The following ERBB4 variants were observed in gnomAD, a reference collection of about 807,000 sequenced individuals.
The protein encoded by ERBB4 is receptor tyrosine-protein kinase erbB-4.
Under a neutral mutation model 158.0 loss-of-function variants are expected in ERBB4, and 42 were observed. The ratio of observed to expected loss-of-function variants is 0.27; its 90% confidence interval spans 0.21 to 0.34. ERBB4 has a LOEUF of 0.34. ERBB4 is among the 10% of genes least tolerant of loss of function. The pLI is 1.00. For synonymous variants in ERBB4, 583 were observed against 558.7 expected, an observed-to-expected ratio of 1.04 and a Z score of -0.61; for missense variants, 1,333 against 1,624.1, an observed-to-expected ratio of 0.82 and a Z score of 3.08.
At chr2:212,366,666 T>A (rs766443727) in intron 1 of ERBB4, among the ~76,000 whole-genome samples, 3 of 151,978 alleles carry the variant, frequency 2.0e-5, no homozygotes, top group Non-Finnish European at 4.4e-5. Flanking sequence ...AAACATAAGA[T>A]ACATAACTTA....
At chr2:212,162,043 A>T (rs1459073594) in intron 1 of ERBB4, among the ~76,000 whole-genome samples, 4 of 151,850 alleles carry the variant, frequency 2.6e-5, no homozygotes, top group African/African-American at 9.7e-5. Flanking sequence ...TTTCACATAA[A>T]CCCAAATACT....
At chr2:212,003,063 A>AAGAGAGAGAG (rs148188443) in intron 2 of ERBB4, among the ~76,000 whole-genome samples, 1 of 113,922 alleles carries the variant, frequency 8.8e-6, no homozygotes, top group African/African-American at 2.9e-5. Context: ...CAAAAGAGAA[A>AAGAGAGAGAG]AGAGAGAGAG....
intron 2 of ERBB4, among the ~76,000 whole-genome samples, chr2:212,111,825 T>G (rs1215257345): frequency 3.9e-5 from 6 of 152,098 alleles, no homozygotes; most frequent in South Asian, 4.2e-4. Flanking sequence ...AAGGCGCTCT[T>G]GAGTTCAATC....
intron 1 of ERBB4, among the ~76,000 whole-genome samples, chr2:212,528,123 C>G (rs1692551947): frequency 6.6e-6 from 1 of 152,018 alleles, no homozygotes; most frequent in Non-Finnish European, 1.5e-5. Flanking sequence ...AACTCCTTAA[C>G]TGATAGATTT....
At chr2:211,900,317 T>C (rs371823951) in intron 3 of ERBB4, among the ~76,000 whole-genome samples, 5 of 151,890 alleles carry the variant, frequency 3.3e-5, no homozygotes, top group African/African-American at 7.3e-5. Context: ...ATAGCACAGA[T>C]TGAACATTTA....
At chr2:211,978,162 AAG>A (rs1249428788) in intron 2 of ERBB4, among the ~76,000 whole-genome samples, 1 of 151,870 alleles carries the variant, frequency 6.6e-6, no homozygotes, top group Non-Finnish European at 1.5e-5. Flanking sequence ...CTCACTATGA[AAG>A]AGACTGCAGA....
intron 20 of ERBB4, among the ~76,000 whole-genome samples, chr2:211,493,419 T>TA (rs1449973665): frequency 2.6e-5 from 4 of 152,076 alleles, no homozygotes; most frequent in Non-Finnish European, 2.9e-5. Context: ...CTGGCCTGGA[T>TA]AAATGTACTA....
At chr2:211,693,248 T>A (rs1189279033) in intron 12 of ERBB4, among the ~76,000 whole-genome samples, 2 of 152,072 alleles carry the variant, frequency 1.3e-5, no homozygotes, top group Admixed American at 1.3e-4. Flanking sequence ...ATAAAATGAA[T>A]CCAAAAGTAT....
At chr2:212,133,421 TTG>T (rs1488431826) in intron 1 of ERBB4, among the ~76,000 whole-genome samples, 35 of 143,716 alleles carry the variant, frequency 2.4e-4, no homozygotes, top group African/African-American at 9.4e-4. Context: ...TGTTTTGTTT[TTG>T]TTTTTTTTTT....
At chr2:212,518,035 G>A (rs79253279) in intron 1 of ERBB4, among the ~76,000 whole-genome samples, 3,316 of 152,102 alleles carry the variant, frequency 0.022, 95 homozygotes, top group South Asian at 0.079. Context: ...ACTCCAAAGT[G>A]TTATTAATAT....
chr2:211,473,490 G>A (rs545466813), intron 20 of ERBB4, among the ~76,000 whole-genome samples: 3 of 152,178 alleles, frequency 2.0e-5, no homozygotes, highest in African/African-American at 7.2e-5. Flanking sequence ...ATTTCTTAGT[G>A]CTCCTGTAAA....
intron 3 of ERBB4, among the ~76,000 whole-genome samples, chr2:211,897,945 A>G (rs1251206157): frequency 6.6e-6 from 1 of 151,830 alleles, no homozygotes. Context: ...TTTTTTAATT[A>G]TAGAGAAGGG....
chr2:211,540,640 T>C (rs1259955066), intron 20 of ERBB4, among the ~76,000 whole-genome samples: 1 of 151,908 alleles, frequency 6.6e-6, no homozygotes, highest in Non-Finnish European at 1.5e-5. Flanking sequence ...CTCAGCTCAC[T>C]GCAACCTTTG....
At chr2:211,910,077 G>A (rs1478075081) in intron 3 of ERBB4, among the ~76,000 whole-genome samples, 2 of 151,136 alleles carry the variant, frequency 1.3e-5, no homozygotes, top group African/African-American at 2.4e-5. Flanking sequence ...GCACCACCAT[G>A]GCCAGCTAAT....
At chr2:212,516,370 G>C (rs1691843556) in intron 1 of ERBB4, among the ~76,000 whole-genome samples, 3 of 152,050 alleles carry the variant, frequency 2.0e-5, no homozygotes, top group Non-Finnish European at 4.4e-5. Context: ...ACTCTAAAGT[G>C]ATCTATTATT....
chr2:211,623,875 C>T (rs532512492), intron 18 of ERBB4, 47 bp downstream of exon 18: 2 of 1,596,686 alleles, frequency 1.3e-6, no homozygotes, highest in Admixed American at 1.7e-5. Context: ...ATTTTCTAAA[C>T]ATCTAAAACA....
chr2:211,401,700 T>C (rs537016539), intron 25 of ERBB4, among the ~76,000 whole-genome samples: 6 of 152,080 alleles, frequency 3.9e-5, no homozygotes, highest in African/African-American at 1.4e-4. Flanking sequence ...CAAATAAACA[T>C]GCTTAAGAAA....
chr2:211,693,643 C>A (rs2072904071), intron 12 of ERBB4, among the ~76,000 whole-genome samples: 1 of 152,128 alleles, frequency 6.6e-6, no homozygotes, highest in African/African-American at 2.4e-5. Flanking sequence ...AGGCATCTGT[C>A]TCAGAATGAT....
At chr2:212,046,623 T>C (rs912017846) in intron 2 of ERBB4, among the ~76,000 whole-genome samples, 1 of 152,222 alleles carries the variant, frequency 6.6e-6, no homozygotes, top group African/African-American at 2.4e-5. Flanking sequence ...GGATGTCTAT[T>C]ACAGTCCAGT....
Sources: allele counts gnomAD v4.1 joint callset (sites outside exome capture counted in the v4.1 genomes callset), GRCh38; gene constraint gnomAD v4.1.1; transcripts MANE v1.5; gene names NCBI Gene and HGNC (gene_info 2026-07-23, HGNC 2026-07-21).